Variants in HDAC9 observed in about 807,000 individuals in gnomAD.
HDAC9 encodes MEF-2 interacting transcription repressor (MITR) protein.
Under a neutral mutation model 139.4 loss-of-function variants are expected in HDAC9, and 41 were observed. That is an observed-to-expected ratio of 0.29 (90% CI 0.23 to 0.38). The LOEUF (loss-of-function observed/expected upper bound fraction) is 0.38, where lower values mean the gene tolerates loss of function less well. Ranked by LOEUF, HDAC9 falls within the 10% of genes least tolerant of loss-of-function variation. The probability of loss-of-function intolerance (pLI) is 1.00; values close to 1 mark genes in which losing one functional copy is unlikely to be tolerated. For missense variants in HDAC9, 1,147 were observed against 1,297.0 expected (o/e 0.88, Z 1.78); for synonymous variants, 517 against 476.2 (o/e 1.09, Z -1.12).
At chr7:18,443,418 TAGGA>T (rs1791974543) in intron 1 of HDAC9, among the ~76,000 whole-genome samples, 3 of 152,180 alleles carry the variant, frequency 2.0e-5, no homozygotes, top group Non-Finnish European at 2.9e-5. Context: ...GGGTGTGTTC[TAGGA>T]AGAACACACA....
At position 18,477,395 on chromosome 7, in the gene HDAC9, G is replaced by A. The variant is rs368156817; in HGVS notation, c.-41-18867G>A. On this transcript the variant is annotated intron_variant, in intron 1 of 3. Transcript: ENST00000413509. Reference sequence around the variant, plus strand: ...AAACAGGGTGATCAGTTATGTGTGCGTGCGTGCGTGCATGCGTGTGTGTGT... The same window carrying A: ...AAACAGGGTGATCAGTTATGTGTGCATGCGTGCGTGCATGCGTGTGTGTGT... 1.9e-3 allele frequency among the ~76,000 whole-genome samples: 290 copies of A among 152,052 alleles called. 1 individual carries two copies. The highest frequency in any genetic ancestry group is 5.7e-3 in the African/African-American group (235 of 41,396).
At chr7:18,799,985 A>G (rs958690369) in intron 17 of HDAC9, among the ~76,000 whole-genome samples, 31 of 152,160 alleles carry the variant, frequency 2.0e-4, no homozygotes, top group African/African-American at 6.3e-4. Context: ...TTGAAATCCA[A>G]TGATGAGAAA....
intron 1 of HDAC9, among the ~76,000 whole-genome samples, chr7:18,351,538 A>G (rs1011792386): frequency 1.3e-5 from 2 of 152,206 alleles, no homozygotes; most frequent in African/African-American, 2.4e-5. Context: ...GAGGGAAGAT[A>G]TATATATTTA....
intron 21 of HDAC9, among the ~76,000 whole-genome samples, chr7:18,843,661 A>G (rs1250612311): frequency 6.7e-6 from 1 of 148,928 alleles, no homozygotes; most frequent in Non-Finnish European, 1.5e-5. Flanking sequence ...CATAGAGTGA[A>G]TTTTTTTTTT....
At chr7:18,205,132 C>G (rs927236522) in intron 2 of HDAC9, among the ~76,000 whole-genome samples, 7 of 151,850 alleles carry the variant, frequency 4.6e-5, no homozygotes, top group Non-Finnish European at 8.8e-5. Context: ...AAATTACTAG[C>G]CAGTTATGTC....
intron 22 of HDAC9, among the ~76,000 whole-genome samples, chr7:18,900,537 C>A (rs1801606093): frequency 6.6e-6 from 1 of 152,126 alleles, no homozygotes; most frequent in African/African-American, 2.4e-5. Context: ...CTTTTGAAGT[C>A]CATGGCCAAG....
intron 1 of HDAC9, among the ~76,000 whole-genome samples, chr7:18,366,394 G>A (rs1025532230): frequency 6.6e-6 from 1 of 152,106 alleles, no homozygotes; most frequent in African/African-American, 2.4e-5. Flanking sequence ...ATGGCAGTTG[G>A]CCCAGGACAC....
intron 24 of HDAC9, among the ~76,000 whole-genome samples, chr7:18,959,290 T>C (rs569989633): frequency 6.6e-6 from 1 of 152,308 alleles, no homozygotes; most frequent in South Asian, 2.1e-4. Context: ...ATGAATGATA[T>C]TGATATTAAT....
chr7:18,392,273 A>ACTCTCT (rs1169041782), intron 1 of HDAC9, among the ~76,000 whole-genome samples: 8 of 65,764 alleles, frequency 1.2e-4, no homozygotes, highest in Admixed American at 3.0e-4. Flanking sequence ...TGTCTCTGTC[A>ACTCTCT]CTCTCTCTCT....
intron 21 of HDAC9, among the ~76,000 whole-genome samples, chr7:18,869,192 G>A (rs892694445): frequency 6.8e-6 from 1 of 148,010 alleles, no homozygotes; most frequent in Non-Finnish European, 1.5e-5. Context: ...GTGTGTTGCG[G>A]TAGGGGGAAG....
intron 21 of HDAC9, among the ~76,000 whole-genome samples, chr7:18,866,809 C>T (rs1321615278): frequency 6.6e-6 from 1 of 152,162 alleles, no homozygotes; most frequent in East Asian, 1.9e-4. Flanking sequence ...GCGTCTTATG[C>T]CGTTCACTCA....
At chr7:18,889,704 TG>T (rs34977439) in intron 22 of HDAC9, among the ~76,000 whole-genome samples, 1,893 of 152,286 alleles carry the variant, frequency 0.012, 14 homozygotes, top group African/African-American at 0.017. Context: ...TTTTCTTCTT[TG>T]TTTTGTCGTT....
chr7:18,653,511 T>C (rs1261520941), intron 11 of HDAC9, among the ~76,000 whole-genome samples: 1 of 152,106 alleles, frequency 6.6e-6, no homozygotes, highest in African/African-American at 2.4e-5. Context: ...CTTACATAAA[T>C]CATGAGATGA....
chr7:18,646,544 G>A (rs1787490914), intron 9 of HDAC9, among the ~76,000 whole-genome samples: 1 of 152,132 alleles, frequency 6.6e-6, no homozygotes, highest in Admixed American at 6.5e-5. Flanking sequence ...AAGGAAAAGA[G>A]GCCAGGACAA....
At chr7:18,371,159 C>A (rs371997745) in intron 1 of HDAC9, among the ~76,000 whole-genome samples, 1 of 152,142 alleles carries the variant, frequency 6.6e-6, no homozygotes, top group Non-Finnish European at 1.5e-5. Context: ...ATTTGCTAAA[C>A]AAACCTTGCC....
chr7:18,565,432 C>T (rs1437978898), intron 2 of HDAC9, among the ~76,000 whole-genome samples: 1 of 152,162 alleles, frequency 6.6e-6, no homozygotes, highest in Non-Finnish European at 1.5e-5. Flanking sequence ...CCAAACTCTA[C>T]TTGCTCACAA....
chr7:18,146,033 A>T (rs1786295471), intron 1 of HDAC9, among the ~76,000 whole-genome samples: 1 of 152,214 alleles, frequency 6.6e-6, no homozygotes, highest in Non-Finnish European at 1.5e-5. Flanking sequence ...AAGAGTCTTC[A>T]TGCTGATTGG....
At chr7:18,138,641 C>A (rs1785646234) in intron 1 of HDAC9, among the ~76,000 whole-genome samples, 1 of 151,466 alleles carries the variant, frequency 6.6e-6, no homozygotes, top group African/African-American at 2.4e-5. Flanking sequence ...CAGAGTGGGG[C>A]AGGCTGCAAC....
At chr7:18,150,887 CA>C (rs1786728898) in intron 1 of HDAC9, among the ~76,000 whole-genome samples, 1 of 152,014 alleles carries the variant, frequency 6.6e-6, no homozygotes, top group African/African-American at 2.4e-5. Context: ...TGACAGTTGA[CA>C]AAAAGAAATG....
Sources: gnomAD v4.1 joint callset for allele counts (sites outside exome capture counted in the v4.1 genomes callset) on GRCh38, gnomAD v4.1.1 for gene constraint, MANE v1.5 for transcripts, NCBI Gene and HGNC (gene_info 2026-07-23, HGNC 2026-07-21) for gene names.